The following DRC9 variants were observed in gnomAD, a reference collection of about 807,000 sequenced individuals.
DRC9 encodes dynein regulatory complex protein 9.
the DRC9 span, among the ~76,000 whole-genome samples, chr3:197,893,134 G>T: frequency 4.6e-5 from 7 of 152,096 alleles, no homozygotes; most frequent in Admixed American, 4.6e-4. Flanking sequence ...GAAGTGGGCG[G>T]ATCACCTGTG....
At chr3:197,891,451 T>A in the DRC9 span, 1 of 1,556,114 alleles carries the variant, frequency 6.4e-7, no homozygotes, top group Non-Finnish European at 8.9e-7. Context: ...TTTACCTTTA[T>A]AACGCTCTTT....
At chr3:197,944,659 A>G in the DRC9 span, among the ~76,000 whole-genome samples, 2 of 152,110 alleles carry the variant, frequency 1.3e-5, no homozygotes, top group Non-Finnish European at 2.9e-5. Flanking sequence ...CGTGTTAGCC[A>G]GGATGGTCTC....
At chr3:197,908,224 G>GGGT in the DRC9 span, among the ~76,000 whole-genome samples, 2,370 of 131,914 alleles carry the variant, frequency 0.018, 68 homozygotes, top group East Asian at 0.033. Flanking sequence ...GTTATCACAG[G>GGGT]GGTGAATGTA....
chr3:197,911,048 A>G, the DRC9 span, among the ~76,000 whole-genome samples: 1 of 152,118 alleles, frequency 6.6e-6, no homozygotes, highest in Non-Finnish European at 1.5e-5. Flanking sequence ...CCTTAGATAT[A>G]TTATAGACCC....
the DRC9 span, among the ~76,000 whole-genome samples, chr3:197,905,742 G>GAA: frequency 6.9e-6 from 1 of 144,500 alleles, no homozygotes; most frequent in African/African-American, 2.5e-5. Context: ...AATCTCAGAA[G>GAA]AAAAAAAAAA....
At chr3:197,926,396 G>T in the DRC9 span, among the ~76,000 whole-genome samples, 1 of 152,202 alleles carries the variant, frequency 6.6e-6, no homozygotes, top group African/African-American at 2.4e-5. Flanking sequence ...AATAGCTGCT[G>T]CTGAGAAAAA....
the DRC9 span, chr3:197,959,920 G>A: frequency 2.2e-6 from 1 of 461,094 alleles, no homozygotes; most frequent in Non-Finnish European, 3.9e-6. Flanking sequence ...CACCTAGTAG[G>A]TGCATGTCAC....
chr3:197,934,238 G>A, the DRC9 span, among the ~76,000 whole-genome samples: 2 of 137,364 alleles, frequency 1.5e-5, no homozygotes, highest in Non-Finnish European at 3.0e-5. Context: ...AGGCTGGAGT[G>A]CAGTGGCACG....
the DRC9 span, chr3:197,912,788 G>T: frequency 6.5e-7 from 1 of 1,536,864 alleles, no homozygotes; most frequent in East Asian, 2.2e-5. Context: ...CTTCCCCGCA[G>T]GGCTGGGAAT....
At chr3:197,950,037 G>T in the DRC9 span, 1 of 967,074 alleles carries the variant, frequency 1.0e-6, no homozygotes, top group African/African-American at 1.7e-5. Flanking sequence ...AAGGACTTAG[G>T]AAAATAATTG....
At chr3:197,946,070 T>C in the DRC9 span, among the ~76,000 whole-genome samples, 1 of 152,236 alleles carries the variant, frequency 6.6e-6, no homozygotes. Flanking sequence ...ACTCAATTCA[T>C]CTTCTCTGCC....
chr3:197,945,595 A>G, the DRC9 span: 1 of 1,529,378 alleles, frequency 6.5e-7, no homozygotes, highest in South Asian at 1.2e-5. Flanking sequence ...CATGTATACA[A>G]AAAACATTGG....
the DRC9 span, among the ~76,000 whole-genome samples, chr3:197,928,128 A>C: frequency 1.3e-5 from 2 of 152,194 alleles, no homozygotes; most frequent in African/African-American, 4.8e-5. Context: ...GTATGAAGAG[A>C]AATAAAAATC....
At chr3:197,954,170 T>C in the DRC9 span, 4 of 1,613,668 alleles carry the variant, frequency 2.5e-6, no homozygotes, top group Middle Eastern at 3.3e-4. Context: ...TTTAGCAAAA[T>C]GGACGTCTGA....
At chr3:197,949,873 CA>C in the DRC9 span, 1 of 393,338 alleles carries the variant, frequency 2.5e-6, no homozygotes. Flanking sequence ...GAACATCCTC[CA>C]CTCAGGGTTC....
At chr3:197,898,479 C>A in the DRC9 span, among the ~76,000 whole-genome samples, 1 of 152,032 alleles carries the variant, frequency 6.6e-6, no homozygotes, top group Admixed American at 6.6e-5. Flanking sequence ...AAAACAAAAA[C>A]CAGTGTGGTA....
chr3:197,935,300 C>T, the DRC9 span, among the ~76,000 whole-genome samples: 76 of 151,916 alleles, frequency 5.0e-4, no homozygotes, highest in Non-Finnish European at 9.0e-4. Flanking sequence ...ATTAACCAGG[C>T]GTGGTGACGC....
the DRC9 span, chr3:197,960,133 G>T: frequency 8.8e-7 from 1 of 1,131,288 alleles, no homozygotes; most frequent in South Asian, 1.5e-5. Context: ...CTGTCCAATC[G>T]GAAAGCGCCT....
chr3:197,933,992 A>G, the DRC9 span, among the ~76,000 whole-genome samples: 13 of 150,648 alleles, frequency 8.6e-5, no homozygotes, highest in African/African-American at 2.2e-4. Flanking sequence ...AAAAAAAAAA[A>G]AAGAAGTTTT....
Sources: allele counts gnomAD v4.1 joint callset (sites outside exome capture counted in the v4.1 genomes callset), GRCh38; gene constraint gnomAD v4.1.1; transcripts MANE v1.5; gene names NCBI Gene and HGNC (gene_info 2026-07-23, HGNC 2026-07-21).